Variants in ELP4 observed in about 807,000 individuals in gnomAD.
The protein encoded by ELP4 is elongator complex protein 4.
In ELP4, 51 loss-of-function variants were observed where a neutral mutation model predicts 48.9. The observed-to-expected ratio is 1.04, with a 90% CI of 0.83 to 1.32. ELP4 has a LOEUF of 1.32. ELP4 is among the 40% of genes most tolerant of loss of function. The pLI, the probability that ELP4 is intolerant of heterozygous loss-of-function variation, is 0.00. For missense variants in ELP4, 519 were observed against 514.6 expected, an observed-to-expected ratio of 1.01 and a Z score of -0.08; for synonymous variants, 210 against 189.2, an observed-to-expected ratio of 1.11 and a Z score of -0.90.
Position 31,678,708 on chromosome 11 carries a change from A to G in ELP4, c.1143+28487A>G, listed in dbSNP as rs79789373. ...AGTTTTGGCAATTATGAAGAAAGCT[A>G]CTGGTATAAACATCCGTGTGCAGGT... On this transcript the variant is annotated intron_variant, in intron 9 of 9. Coordinates refer to ENST00000640961, the MANE Select transcript of ELP4 (RefSeq NM_019040.5). Among the ~76,000 whole-genome samples the G allele has an allele frequency of 6.6e-3, 1,007 of 152,250 alleles. 15 individuals carry two copies. The highest frequency in any genetic ancestry group is 0.022 in the African/African-American group (934 of 41,550).
chr11:31,733,895 A>G (rs75836076), intron 9 of ELP4, among the ~76,000 whole-genome samples: 2,944 of 152,322 alleles, frequency 0.019, 103 homozygotes, highest in African/African-American at 0.066. Flanking sequence ...TAGGAAAGCC[A>G]GATTAAAAAC....
chr11:31,789,217 T>C lies in ELP4; in HGVS notation c.*5693T>C, dbSNP rs1043181347. On this transcript the variant is annotated 3_prime_UTR_variant, in exon 10 of 10. Transcript: ENST00000640961. ...TGTCAAATATAAATGAAATTAACTT[T>C]ATTATAGAAATCATTCTGAGGATTT... 4.8e-6 allele frequency: 1 copy of C among 209,458 alleles called. No homozygotes were observed. Among genetic ancestry groups the C allele is most frequent in the Non-Finnish European group, 9.7e-6 (1 of 102,914 alleles). The allele number at this position is 209,458 out of a possible 1,614,324, so 13.0% of individuals were successfully genotyped here. A position where few individuals can be genotyped will look rare whatever the true frequency, so the allele number is the denominator to read the frequency against.
intron 9 of ELP4, among the ~76,000 whole-genome samples, chr11:31,674,723 C>T (rs1039653099): frequency 7.2e-5 from 11 of 152,174 alleles, no homozygotes; most frequent in African/African-American, 1.9e-4. Flanking sequence ...GCAGTCTTCA[C>T]GTAAGGGCTG....
intron 3 of ELP4, among the ~76,000 whole-genome samples, chr11:31,581,897 C>T (rs2133973317): frequency 6.6e-6 from 1 of 152,132 alleles, no homozygotes; most frequent in Admixed American, 6.5e-5. Context: ...GGACTACAGG[C>T]ATGCCCCACC....
intron 9 of ELP4, among the ~76,000 whole-genome samples, chr11:31,740,708 A>G (rs752164763): frequency 1.3e-5 from 2 of 152,254 alleles, no homozygotes; most frequent in African/African-American, 2.4e-5. Context: ...ACAGGAAAAC[A>G]GAATTTGAGG....
intron 3 of ELP4, among the ~76,000 whole-genome samples, chr11:31,587,463 A>G (rs1016701244): frequency 3.9e-5 from 6 of 152,154 alleles, no homozygotes; most frequent in Non-Finnish European, 7.4e-5. Flanking sequence ...ATTTTGTTGC[A>G]AGCTGAAAAG....
chr11:31,715,890 C>G (rs1250191265), intron 9 of ELP4, among the ~76,000 whole-genome samples: 1 of 152,088 alleles, frequency 6.6e-6, no homozygotes, highest in Non-Finnish European at 1.5e-5. Flanking sequence ...AAAATTCAAA[C>G]AGTACAAGGG....
intron 9 of ELP4, among the ~76,000 whole-genome samples, chr11:31,708,719 T>C (rs188011239): frequency 6.6e-6 from 1 of 152,182 alleles, no homozygotes; most frequent in Admixed American, 6.5e-5. Flanking sequence ...GTCACAGAAG[T>C]CAACTAACTT....
intron 9 of ELP4, among the ~76,000 whole-genome samples, chr11:31,752,813 G>A (rs1177075811): frequency 7.1e-6 from 1 of 140,522 alleles, no homozygotes; most frequent in African/African-American, 2.7e-5. Context: ...CAGCCTGGAC[G>A]ACAGAGTGAG....
intron 5 of ELP4, among the ~76,000 whole-genome samples, chr11:31,611,734 A>G (rs1179630907): frequency 6.6e-6 from 1 of 152,268 alleles, no homozygotes; most frequent in African/African-American, 2.4e-5. Flanking sequence ...AACAAAGCAG[A>G]CGTTAACCTT....
intron 9 of ELP4, among the ~76,000 whole-genome samples, chr11:31,679,532 G>A (rs1450772855): frequency 1.3e-5 from 2 of 152,096 alleles, no homozygotes; most frequent in African/African-American, 4.8e-5. Context: ...ACATGTCTGA[G>A]TTTAAGTTTC....
intron 7 of ELP4, 187 bp from the exon 8 acceptor site, chr11:31,647,554 A>G (rs1945228412): frequency 2.1e-6 from 1 of 484,352 alleles, no homozygotes; most frequent in Non-Finnish European, 3.7e-6. Flanking sequence ...TACATGGGCC[A>G]GCATTTTCAA....
intron 5 of ELP4, among the ~76,000 whole-genome samples, chr11:31,619,171 GA>G (rs750720034): frequency 6.6e-6 from 1 of 151,928 alleles, no homozygotes; most frequent in Non-Finnish European, 1.5e-5. Context: ...TATATTATAG[GA>G]AACAATCAGT....
intron 4 of ELP4, among the ~76,000 whole-genome samples, chr11:31,598,542 C>G (rs2133995082): frequency 9.5e-6 from 1 of 104,986 alleles, no homozygotes; most frequent in East Asian, 3.2e-4. Context: ...GGATCTTGCT[C>G]TGTCGCCCAG....
intron 9 of ELP4, among the ~76,000 whole-genome samples, chr11:31,778,440 G>A (rs1452251018): frequency 6.6e-6 from 1 of 152,140 alleles, no homozygotes; most frequent in Admixed American, 6.5e-5. Flanking sequence ...GTTTATATTT[G>A]TTCGTTATAT....
intron 3 of ELP4, among the ~76,000 whole-genome samples, chr11:31,586,959 G>A (rs920509740): frequency 6.6e-6 from 1 of 151,926 alleles, no homozygotes; most frequent in East Asian, 1.9e-4. Flanking sequence ...TAAACATGAA[G>A]AAACTCCATG....
At chr11:31,519,754 T>G (rs933319314) in intron 1 of ELP4, among the ~76,000 whole-genome samples, 4 of 149,512 alleles carry the variant, frequency 2.7e-5, no homozygotes, top group Non-Finnish European at 5.9e-5. Context: ...GAACCCAGGA[T>G]GGGGAGGTTG....
At chr11:31,607,615 A>C (rs1957900203) in intron 5 of ELP4, among the ~76,000 whole-genome samples, 1 of 152,164 alleles carries the variant, frequency 6.6e-6, no homozygotes, top group Admixed American at 6.5e-5. Context: ...ACAACACCTG[A>C]ATTTTGTAGG....
At chr11:31,594,401 A>G (rs949343976) in intron 3 of ELP4, among the ~76,000 whole-genome samples, 14 of 152,140 alleles carry the variant, frequency 9.2e-5, no homozygotes, top group Non-Finnish European at 1.6e-4. Flanking sequence ...TTTTATTTTT[A>G]CCTTGTGGCC....
Sources: gnomAD v4.1 joint callset for allele counts (sites outside exome capture counted in the v4.1 genomes callset) on GRCh38, gnomAD v4.1.1 for gene constraint, MANE v1.5 for transcripts, NCBI Gene and HGNC (gene_info 2026-07-23, HGNC 2026-07-21) for gene names.